The following DIPK1A variants were observed in gnomAD, a reference collection of about 807,000 sequenced individuals.
DIPK1A encodes family with sequence similarity 69 member A.
DIPK1A carries 27 observed loss-of-function variants against 40.8 expected under a neutral mutation model. The ratio of observed to expected loss-of-function variants is 0.66; its 90% CI spans 0.49 to 0.91. The LOEUF (loss-of-function observed/expected upper bound fraction) is 0.91. DIPK1A is among the 40% of genes least tolerant of loss of function. The probability of loss-of-function intolerance (pLI) is 0.00; values close to 1 mark genes in which losing one functional copy is unlikely to be tolerated. For synonymous variants in DIPK1A, 166 were observed against 171.3 expected (o/e 0.97, Z 0.24); for missense variants, 412 against 505.7 (o/e 0.81, Z 1.78).
At chr1:92,840,495 A>T, downstream of DIPK1A, 1 of 1,262,794 alleles carries the variant, frequency 7.9e-7, no homozygotes, top group Non-Finnish European at 1.2e-6. Flanking sequence ...TGGTTGCATT[A>T]ATATAGTAGG....
intron 2 of DIPK1A, among the ~76,000 whole-genome samples, chr1:92,860,646 A>AAAAAAAAAAAGCCAGGAG (rs148916481): frequency 9.5e-6 from 1 of 105,212 alleles, no homozygotes; most frequent in African/African-American, 3.7e-5. Flanking sequence ...AAAAAAAAAA[A>AAAAAAAAAAAGCCAGGAG]TGGTGGTGTG....
chr1:92,912,789 C>A lies in DIPK1A; in HGVS notation c.55-36359G>T, dbSNP rs148141093. On this transcript the variant is annotated intron_variant, in intron 1 of 4. Transcript: ENST00000370310. ...TAATACATTAGACTACCAGCCACAA[C>A]ATCATGTATCTATATATATAAGCCA... Among the ~76,000 whole-genome samples, 4 of 152,220 alleles carry A rather than the reference C, an allele frequency of 2.6e-5. 1 individual carries two copies. Among genetic ancestry groups the A allele is most frequent in the African/African-American group, 9.6e-5 (4 of 41,532 alleles).
intron 1 of DIPK1A, among the ~76,000 whole-genome samples, chr1:92,892,078 G>C (rs1478024608): frequency 2.0e-5 from 3 of 152,062 alleles, no homozygotes; most frequent in Non-Finnish European, 4.4e-5. Context: ...TCCACTTCTG[G>C]GGGCAGGGCA....
chr1:92,860,689 CAGG>C (rs1382165599), intron 2 of DIPK1A, among the ~76,000 whole-genome samples: 4 of 142,274 alleles, frequency 2.8e-5, no homozygotes, highest in Admixed American at 7.3e-5. Context: ...GTGGCTGAGA[CAGG>C]AGAATTGCTT....
At chr1:92,868,720 C>G (rs954897347) in intron 2 of DIPK1A, among the ~76,000 whole-genome samples, 3 of 152,244 alleles carry the variant, frequency 2.0e-5, no homozygotes, top group Admixed American at 6.5e-5. Flanking sequence ...AATCCCAGCA[C>G]TTTTGAAGGC....
At chr1:92,837,055 C>T in intron 4 of DIPK1A, 1 of 300,406 alleles carries the variant, frequency 3.3e-6, no homozygotes, top group South Asian at 3.1e-5. Flanking sequence ...GAGTTAGTTG[C>T]AAGTACACCA....
chr1:92,951,574 C>T (rs917158566), intron 1 of DIPK1A, among the ~76,000 whole-genome samples: 1 of 152,100 alleles, frequency 6.6e-6, no homozygotes, highest in Non-Finnish European at 1.5e-5. Context: ...AACAAATGGG[C>T]GTTGTTTTAA....
Position 92,861,321 on chromosome 1 carries a change from C to CTTTTTTTT in DIPK1A, c.190-10374_190-10367dup, listed in dbSNP as rs71230876. On this transcript the variant is annotated intron_variant, in intron 2 of 4. Coordinates refer to ENST00000370310, the MANE Select transcript of DIPK1A (RefSeq NM_001006605.5). Reference sequence around the variant, plus strand: ...AATAGCTTTTCTATTCTCTCTCTCTCTTTTTTTTTTTTTTTTTTTTTTTGA... The same window carrying CTTTTTTTT: ...AATAGCTTTTCTATTCTCTCTCTCTCTTTTTTTTTTTTTTTTTTTTTTTTTTTTTTTGA... Among the ~76,000 whole-genome samples, 58 of 83,530 alleles carry CTTTTTTTT rather than the reference C, an allele frequency of 6.9e-4. 2 individuals carry two copies. Among genetic ancestry groups the CTTTTTTTT allele is most frequent in the Middle Eastern group, 0.012 (1 of 84 alleles). The allele number at this position is 83,530 out of a possible 152,430, so 54.8% of individuals were successfully genotyped here.
chr1:92,835,115 C>T, intron 4 of DIPK1A: 3 of 704,262 alleles, frequency 4.3e-6, no homozygotes, highest in Non-Finnish European at 7.2e-6. Context: ...CTGTAATTTG[C>T]TGTCCAGTGG....
intron 1 of DIPK1A, chr1:92,877,277 T>G (rs940927325): frequency 6.5e-6 from 2 of 309,864 alleles, no homozygotes; most frequent in Non-Finnish European, 9.4e-6. Flanking sequence ...TGACATTTAT[T>G]TTTTGAGTCT....
At chr1:92,854,632 T>C (rs898334890) in intron 2 of DIPK1A, among the ~76,000 whole-genome samples, 7 of 152,254 alleles carry the variant, frequency 4.6e-5, no homozygotes, top group Non-Finnish European at 8.8e-5. Context: ...CCCTTGGCTA[T>C]GACCTGGTTT....
At position 92,961,459 on chromosome 1, in the gene DIPK1A, A is replaced by C. The variant is rs537604156; in HGVS notation, c.-30T>G. The C allele has an allele frequency of 6.9e-7, 1 of 1,453,930 alleles. No individual in the cohort carries two copies. Among genetic ancestry groups the C allele is most frequent in the Non-Finnish European group, 9.1e-7 (1 of 1,093,246 alleles). 90.1% of individuals were successfully genotyped at this position (1,453,930 alleles called of 1,614,324 possible). ...ATCACACATCGCCCCGCCGCGCTGC[A>C]GTCAGAGGCGGACCCGAGCGCTGGC... is the stretch of plus-strand genomic sequence containing the variant. On this transcript the variant is annotated 5_prime_UTR_variant, in exon 1 of 5. Transcript: ENST00000370310.
At chr1:92,833,130 C>T (rs886156263) in intron 4 of DIPK1A, 4 of 674,252 alleles carry the variant, frequency 5.9e-6, no homozygotes, top group East Asian at 2.7e-5. Context: ...AAATTGGGGC[C>T]TGCATTTTGT....
At chr1:92,841,780 A>G (rs752865114), downstream of DIPK1A, 6 of 1,611,346 alleles carry the variant, frequency 3.7e-6, no homozygotes, top group Non-Finnish European at 5.1e-6. Context: ...AACCGTCCCA[A>G]AATGTCCCTT....
chr1:92,891,899 C>T (rs1300751275), intron 1 of DIPK1A, among the ~76,000 whole-genome samples: 2 of 152,204 alleles, frequency 1.3e-5, no homozygotes, highest in Non-Finnish European at 2.9e-5. Flanking sequence ...CCCATGGAGC[C>T]TCGCTCATTG....
intron 1 of DIPK1A, among the ~76,000 whole-genome samples, chr1:92,929,430 G>A (rs1650657619): frequency 6.6e-6 from 1 of 152,156 alleles, no homozygotes; most frequent in African/African-American, 2.4e-5. Context: ...AAGGAATTGG[G>A]TGGATGTTAA....
chr1:92,954,541 T>C (rs115980604), intron 1 of DIPK1A, among the ~76,000 whole-genome samples: 1 of 151,650 alleles, frequency 6.6e-6, no homozygotes, highest in Non-Finnish European at 1.5e-5. Flanking sequence ...TACCCGGCTA[T>C]TTTTTGTACT....
At chr1:92,840,680 G>T, downstream of DIPK1A, 1 of 1,479,450 alleles carries the variant, frequency 6.8e-7, no homozygotes, top group South Asian at 1.1e-5. Flanking sequence ...AAAACAGGTT[G>T]GGAATGGTTC....
chr1:92,926,971 A>G (rs1650539914), intron 1 of DIPK1A, among the ~76,000 whole-genome samples: 1 of 152,160 alleles, frequency 6.6e-6, no homozygotes, highest in African/African-American at 2.4e-5. Context: ...TGTAATGTTA[A>G]GTTGATTTAC....
Sources: gnomAD v4.1 joint callset for allele counts (sites outside exome capture counted in the v4.1 genomes callset) on GRCh38, gnomAD v4.1.1 for gene constraint, MANE v1.5 for transcripts, NCBI Gene and HGNC (gene_info 2026-07-23, HGNC 2026-07-21) for gene names.